Variants in ADRA1D observed in about 807,000 individuals in gnomAD.
ADRA1D encodes alpha-1D adrenergic receptor.
In ADRA1D, 22 loss-of-function variants were observed where a neutral mutation model predicts 18.6. The observed-to-expected ratio is 1.19, with a 90% CI of 0.85 to 1.69. The LOEUF (loss-of-function observed/expected upper bound fraction) is 1.69. Ranked by LOEUF, ADRA1D falls within the 40% of genes most tolerant of loss-of-function variation. ADRA1D has a pLI of 0.00. For synonymous variants in ADRA1D, 376 were observed against 388.2 expected, an observed-to-expected ratio of 0.97 and a Z score of 0.37; for missense variants, 840 against 840.7, an observed-to-expected ratio of 1.00 and a Z score of 0.01.
At chr20:4,231,038 T>TTCTCTTTCTTTCTTTCTTTC (rs71332805) in intron 1 of ADRA1D, among the ~76,000 whole-genome samples, 12 of 108,616 alleles carry the variant, frequency 1.1e-4, no homozygotes, top group South Asian at 3.4e-4. Flanking sequence ...CTTTCTTTCT[T>TTCTCTTTCTTTCTTTCTTTC]TTTCTTTCTT....
chr20:4,224,058 T>G (rs1980736113), intron 1 of ADRA1D, among the ~76,000 whole-genome samples: 2 of 151,994 alleles, frequency 1.3e-5, no homozygotes, highest in African/African-American at 4.8e-5. Flanking sequence ...GGCAAGAAAA[T>G]ACCAAGTTTG....
In ADRA1D at chr20:4,248,047, A is replaced by T. The variant is rs753655470; in HGVS notation, c.911T>A (p.Leu304Gln). Residue 304 changes from leucine (L) to glutamine (Q), a missense_variant, in exon 1 of 2, where the codon CTG (leucine) becomes CAG (glutamine). Coordinates refer to ENST00000379453, the MANE Select transcript of ADRA1D (RefSeq NM_000678.4). ...RERGKASEVV[L>Q]RIHCRGAATG... is the part of the protein sequence containing the mutation. ...GGCCGCGCCGCGACAGTGGATGCGC[A>T]GCACCACCTCGGAGGCCTTGCCTCG... is the stretch of plus-strand genomic sequence containing the variant. 11 of 1,550,926 alleles carry T rather than the reference A, an allele frequency of 7.1e-6. No individual in the cohort carries two copies. The highest frequency in any genetic ancestry group is 9.6e-6 in the Non-Finnish European group (11 of 1,147,852).
intron 1 of ADRA1D, among the ~76,000 whole-genome samples, chr20:4,242,484 G>A (rs1469149868): frequency 6.6e-6 from 1 of 152,176 alleles, no homozygotes; most frequent in Non-Finnish European, 1.5e-5. Context: ...ACAGTGCATC[G>A]TGATAAAAGT....
chr20:4,229,866 G>T (rs1425105087), intron 1 of ADRA1D, among the ~76,000 whole-genome samples: 2 of 151,928 alleles, frequency 1.3e-5, no homozygotes, highest in Non-Finnish European at 2.9e-5. Flanking sequence ...TCACTCCTCT[G>T]CTCAGAACCC....
At chr20:4,224,248 C>T (rs1980740247) in intron 1 of ADRA1D, among the ~76,000 whole-genome samples, 2 of 152,094 alleles carry the variant, frequency 1.3e-5, no homozygotes, top group African/African-American at 4.8e-5. Context: ...TGCTCATGGG[C>T]TGTTGAAATG....
chr20:4,226,675 C>T (rs1171046844), intron 1 of ADRA1D, among the ~76,000 whole-genome samples: 1 of 152,192 alleles, frequency 6.6e-6, no homozygotes, highest in Non-Finnish European at 1.5e-5. Context: ...GAAATGCAGG[C>T]AAGTGCTCTA....
At position 4,221,885 on chromosome 20, in the gene ADRA1D, A is replaced by C; in HGVS notation, c.1357T>G (p.Ser453Ala). 1 of 1,483,314 alleles carries C rather than the reference A, an allele frequency of 6.7e-7. No individual in the cohort carries two copies. The highest frequency in any genetic ancestry group is 8.9e-7 in the Non-Finnish European group (1 of 1,123,988). 91.9% of individuals were successfully genotyped at this position (1,483,314 alleles called of 1,614,324 possible). Reference sequence around the variant, plus strand: ...GGCGCTCCGGGGGGCGCGTCGCCCGAACTCGGGGCGCAGTCCTGGCGCAGG... The same window carrying C: ...GGCGCTCCGGGGGGCGCGTCGCCCGCACTCGGGGCGCAGTCCTGGCGCAGG... ...SGLRQDCAPS[S>A]GDAPPGAPLA... Residue 453 changes from serine to alanine, a missense_variant, in exon 2 of 2, where the codon TCG becomes GCG. By Grantham distance (99) the Ser-to-Ala change is moderately conservative. Coordinates refer to ENST00000379453, the MANE Select transcript of ADRA1D (RefSeq NM_000678.4).
At chr20:4,226,687 C>G (rs983941542) in intron 1 of ADRA1D, among the ~76,000 whole-genome samples, 1 of 152,232 alleles carries the variant, frequency 6.6e-6, no homozygotes, top group Non-Finnish European at 1.5e-5. Context: ...AGTGCTCTAA[C>G]AGAATTTGGC....
chr20:4,235,538 C>A (rs1471219272), intron 1 of ADRA1D, among the ~76,000 whole-genome samples: 1 of 152,238 alleles, frequency 6.6e-6, no homozygotes, highest in Non-Finnish European at 1.5e-5. Context: ...CTCTGAGTGA[C>A]CACGGCTGCA....
chr20:4,247,899 G>T lies in ADRA1D; in HGVS notation c.1059C>A (p.Val353=). ...ACCAGCAGAGCACGAAGACACCCAC[G>T]ACGATGGCCAGAGTCTTGGCCGCTT... is the stretch of plus-strand genomic sequence containing the variant. ...EKKAAKTLAI[V]VGVFVLCWFP... Residue 353 remains valine, a synonymous_variant, in exon 1 of 2, where the codon GTC becomes GTA. Transcript: ENST00000379453. The T allele has an allele frequency of 6.3e-7, 1 of 1,594,518 alleles. No individual in the cohort carries two copies. The highest frequency in any genetic ancestry group is 8.5e-7 in the Non-Finnish European group (1 of 1,172,904).
At chr20:4,243,259 C>G (rs1981259093) in intron 1 of ADRA1D, among the ~76,000 whole-genome samples, 1 of 152,186 alleles carries the variant, frequency 6.6e-6, no homozygotes. Flanking sequence ...AGCCACGCCC[C>G]CTCTCTCTGG....
At chr20:4,247,516 A>C (rs1981362027) in intron 1 of ADRA1D, among the ~76,000 whole-genome samples, 1 of 152,206 alleles carries the variant, frequency 6.6e-6, no homozygotes, top group Non-Finnish European at 1.5e-5. Flanking sequence ...AGGGGGACAC[A>C]TACACTGCCG....
chr20:4,248,063 C>A lies in ADRA1D; in HGVS notation c.895G>T (p.Ala299Ser). The A allele has an allele frequency of 6.4e-7, 1 of 1,550,668 alleles. No homozygotes were observed. ...EAGVKRERGKASEVVLRIHCR... is the reference protein window; with the variant it reads ...EAGVKRERGKSSEVVLRIHCR... The stretch of plus-strand genomic sequence containing the variant: ...TGGATGCGCAGCACCACCTCGGAGG[C>A]CTTGCCTCGCTCGCGCTTGACGCCC... The change falls in exon 1 of 2, where the codon GCC becomes TCC. Residue 299 changes from alanine to serine, a missense_variant. Physicochemically the swap from Ala to Ser is moderately conservative, Grantham distance 99. Transcript: ENST00000379453.
chr20:4,249,035 G>A lies in ADRA1D; in HGVS notation c.-78C>T, dbSNP rs188570915. 7.5e-4 allele frequency: 816 copies of A among 1,082,212 alleles called. 20 individuals carry two copies. The East Asian group carries it at 0.042, about 56-fold the overall frequency. The allele number at this position is 1,082,212 out of a possible 1,614,324, so 67.0% of individuals were successfully genotyped here. ...AGGGAGGGGAGCACAGGGCATAGCC[G>A]CGGGGCTCCAGATGCAGCTCCGCGC... On this transcript the variant is annotated 5_prime_UTR_variant, in exon 1 of 2. Coordinates refer to ENST00000379453, the MANE Select transcript of ADRA1D (RefSeq NM_000678.4).
Position 4,248,415 on chromosome 20 carries a change from C to T in ADRA1D, c.543G>A (p.Thr181=). The T allele has an allele frequency of 6.2e-7, 1 of 1,610,376 alleles. No individual in the cohort carries two copies. Among genetic ancestry groups the T allele is most frequent in the Non-Finnish European group, 8.5e-7 (1 of 1,178,534 alleles). The change falls in exon 1 of 2, where the codon ACG becomes ACA. Residue 181 remains threonine (T), a synonymous_variant. Coordinates refer to ENST00000379453, the MANE Select transcript of ADRA1D (RefSeq NM_000678.4). ...TGGTGCAGAGGCTGAGGATGGAGGCCGTGCAGCACAGCACGTCCACGGCGG... is the reference window on the plus strand; with the variant it reads ...TGGTGCAGAGGCTGAGGATGGAGGCTGTGCAGCACAGCACGTCCACGGCGG... ...VWAAVDVLCC[T]ASILSLCTIS... is the part of the protein sequence containing the mutation.
At position 4,225,289 on chromosome 20, in the gene ADRA1D, G is replaced by A. The variant is rs141867217; in HGVS notation, c.1112-3159C>T. Among the ~76,000 whole-genome samples, 28 of 151,900 alleles carry A rather than the reference G, an allele frequency of 1.8e-4. No homozygotes were observed. In the East Asian group the frequency reaches 4.5e-3, roughly 24 times the overall value. ...GCTGGGATTACAAGCGTGAGCTACC[G>A]TGCCTGGCCCATCTAAGTCTTACTT... On this transcript the variant is annotated intron_variant, in intron 1 of 1. Coordinates refer to ENST00000379453, the MANE Select transcript of ADRA1D (RefSeq NM_000678.4).
rs1253467703 is a variant in ADRA1D, at chr20:4,222,874, T to C, written c.1112-744A>G. ...ATATAACCTCTCTGAAGGGCTGGGCTACAGGGCTTAGTCTATAGTCCTCAA... is the reference window on the plus strand; with the variant it reads ...ATATAACCTCTCTGAAGGGCTGGGCCACAGGGCTTAGTCTATAGTCCTCAA... On this transcript the variant is annotated intron_variant, in intron 1 of 1. Coordinates refer to ENST00000379453, the MANE Select transcript of ADRA1D (RefSeq NM_000678.4). This position sits in a 1 kb window ranked among gnomAD's most constrained non-coding sequence, Gnocchi z 4.3. Among the ~76,000 whole-genome samples the C allele has an allele frequency of 6.6e-6, 1 of 152,250 alleles. No homozygotes were observed. Among genetic ancestry groups the C allele is most frequent in the Non-Finnish European group, 1.5e-5 (1 of 68,042 alleles).
intron 1 of ADRA1D, among the ~76,000 whole-genome samples, chr20:4,225,028 G>C (rs574115950): frequency 7.0e-6 from 1 of 143,568 alleles, no homozygotes; most frequent in South Asian, 2.3e-4. Context: ...AATAGATGGA[G>C]TCTCGCTCTG....
Position 4,221,686 on chromosome 20 carries a change from T to C in ADRA1D, c.1556A>G (p.His519Arg), listed in dbSNP as rs139705773. The C allele has an allele frequency of 3.7e-6, 6 of 1,612,192 alleles. No homozygotes were observed. Among genetic ancestry groups the C allele is most frequent in the Non-Finnish European group, 5.1e-6 (6 of 1,179,574 alleles). The change falls in exon 2 of 2, where the codon CAC becomes CGC. Residue 519 changes from histidine to arginine, a missense_variant. Physicochemically the swap from His to Arg is conservative, Grantham distance 29. Coordinates refer to ENST00000379453, the MANE Select transcript of ADRA1D (RefSeq NM_000678.4). ...CTGCGCGCCCCCGGCGCGGATCTTGTGCGACAGGCTGGAGACTTTGGCGCG... is the reference window on the plus strand; with the variant it reads ...CTGCGCGCCCCCGGCGCGGATCTTGCGCGACAGGCTGGAGACTTTGGCGCG... ...QLRAKVSSLSHKIRAGGAQRA... is the reference protein window; with the variant it reads ...QLRAKVSSLSRKIRAGGAQRA...
Sources: gnomAD v4.1 joint callset for allele counts (sites outside exome capture counted in the v4.1 genomes callset) on GRCh38, gnomAD v4.1.1 for gene constraint, Gnocchi (gnomAD v3.1) non-coding constraint, MANE v1.5 for transcripts, NCBI Gene and HGNC (gene_info 2026-07-23, HGNC 2026-07-21) for gene names.